Variants in ANKRD13C observed in about 807,000 individuals in gnomAD.
ANKRD13C encodes ankyrin repeat domain 13C.
Under a neutral mutation model 65.5 loss-of-function variants are expected in ANKRD13C, and 16 were observed. That is an observed-to-expected ratio of 0.24 (90% CI 0.17 to 0.37). The LOEUF is 0.37. Ranked by LOEUF, ANKRD13C falls within the 10% of genes least tolerant of loss-of-function variation. The pLI is 1.00. For synonymous variants in ANKRD13C, 235 were observed against 238.7 expected, an observed-to-expected ratio of 0.98 and a Z score of 0.14; for missense variants, 503 against 655.9, an observed-to-expected ratio of 0.77 and a Z score of 2.55.
Position 70,353,980 on chromosome 1 carries a change from G to T in ANKRD13C, c.429C>A (p.His143Gln). 1 of 1,527,976 alleles carries T rather than the reference G, an allele frequency of 6.5e-7. No individual in the cohort carries two copies. The highest frequency in any genetic ancestry group is 8.8e-7 in the Non-Finnish European group (1 of 1,137,046). The allele number at this position is 1,527,976 out of a possible 1,614,324, so 94.7% of individuals were successfully genotyped here. Residue 143 changes from histidine (H) to glutamine (Q), a missense_variant and splice_region_variant, in exon 1 of 13, where the codon CAC becomes CAA. Coordinates refer to ENST00000370944, the MANE Select transcript of ANKRD13C (RefSeq NM_030816.5). ...RTHNIGQKDN[H>Q]GNTPLHLAVM... ...TGGAGAGGGGCTAGCACTCCTCACC[G>T]TGATTATCTTTCTGCCCGATATTGT...
chr1:70,330,118 G>A (rs1002472981), intron 2 of ANKRD13C, among the ~76,000 whole-genome samples: 2 of 150,954 alleles, frequency 1.3e-5, no homozygotes, highest in African/African-American at 4.9e-5. Context: ...CAGATCAATC[G>A]AATGTCTTCT....
In ANKRD13C at chr1:70,314,649, T is replaced by C. The variant is rs185404713; in HGVS notation, c.663+832A>G. On this transcript the variant is annotated intron_variant, in intron 4 of 12. Transcript: ENST00000370944. ...AACATCAACAAGTTAGTCTTTCTTT[T>C]TCAAAAAGTGATAAAAGTGAATGTT... Among the ~76,000 whole-genome samples the C allele has an allele frequency of 2.8e-4, 43 of 152,166 alleles. No homozygotes were observed. The East Asian group carries it at 8.1e-3, about 29-fold the overall frequency.
intron 10 of ANKRD13C, among the ~76,000 whole-genome samples, chr1:70,275,201 T>C (rs1679075878): frequency 1.3e-5 from 2 of 152,192 alleles, no homozygotes; most frequent in Non-Finnish European, 2.9e-5. Flanking sequence ...CATTGATCAA[T>C]AAGAAATATT....
At chr1:70,342,453 G>A (rs1479496115) in intron 1 of ANKRD13C, among the ~76,000 whole-genome samples, 4 of 152,170 alleles carry the variant, frequency 2.6e-5, no homozygotes, top group South Asian at 4.1e-4. Flanking sequence ...CAGGAGAATC[G>A]CTTGAACCCG....
chr1:70,275,982 A>AC (rs1679116948), intron 10 of ANKRD13C, among the ~76,000 whole-genome samples: 1 of 150,256 alleles, frequency 6.7e-6, no homozygotes, highest in African/African-American at 2.4e-5. Context: ...AAAAAAAAAA[A>AC]CTATAAAAAT....
intron 5 of ANKRD13C, among the ~76,000 whole-genome samples, chr1:70,312,761 T>C (rs1572112322): frequency 6.6e-6 from 1 of 152,154 alleles, no homozygotes; most frequent in Non-Finnish European, 1.5e-5. Flanking sequence ...TTTAAATCTT[T>C]AAAAACAACA....
At chr1:70,318,366 C>G (rs1035831890) in intron 3 of ANKRD13C, among the ~76,000 whole-genome samples, 1 of 152,190 alleles carries the variant, frequency 6.6e-6, no homozygotes, top group Non-Finnish European at 1.5e-5. Context: ...ACAGTTTGAC[C>G]TAAAGCTTTT....
At chr1:70,349,601 C>G (rs560284864) in intron 1 of ANKRD13C, among the ~76,000 whole-genome samples, 1 of 151,930 alleles carries the variant, frequency 6.6e-6, no homozygotes, top group Non-Finnish European at 1.5e-5. Flanking sequence ...CAAATGCACA[C>G]ACACACCAAA....
intron 3 of ANKRD13C, among the ~76,000 whole-genome samples, chr1:70,323,517 C>T (rs868669439): frequency 6.6e-6 from 1 of 151,670 alleles, no homozygotes; most frequent in East Asian, 2.0e-4. Flanking sequence ...GTGGCAGGCA[C>T]CTGTGATCCC....
At chr1:70,286,585 G>A (rs72678626) in intron 9 of ANKRD13C, among the ~76,000 whole-genome samples, 6,222 of 152,136 alleles carry the variant, frequency 0.041, 194 homozygotes, top group Non-Finnish European at 0.061. Context: ...GTACAGTGAG[G>A]TAAGAAAAAC....
intron 1 of ANKRD13C, among the ~76,000 whole-genome samples, chr1:70,342,277 TGCATGTAATCCCAGCACTTTAGGAG>T (rs1682341717): frequency 6.6e-6 from 1 of 152,128 alleles, no homozygotes; most frequent in Non-Finnish European, 1.5e-5. Flanking sequence ...CAGTGGCTCA[TGCATGTAATCCCAGCACTTTAGGAG>T]GCAGAAGTGG....
At position 70,354,074 on chromosome 1, in the gene ANKRD13C, G is replaced by A. The variant is rs764062107; in HGVS notation, c.335C>T (p.Ala112Val). The A allele has an allele frequency of 6.2e-7, 1 of 1,610,232 alleles. No homozygotes were observed. Among genetic ancestry groups the A allele is most frequent in the Non-Finnish European group, 8.5e-7 (1 of 1,177,646 alleles). Residue 112 changes from alanine to valine, a missense_variant, in exon 1 of 13, where the codon GCA becomes GTA. Coordinates refer to ENST00000370944, the MANE Select transcript of ANKRD13C (RefSeq NM_030816.5). ...GACGCACTCGTGCACCGGGTAGTGT[G>A]CGGGGCAACTGCCTCCATCCGCGAC... ...AVVADGGSCP[A>V]HYPVHECVFK...
chr1:70,311,755 CT>C (rs1410203049), intron 5 of ANKRD13C, among the ~76,000 whole-genome samples: 3 of 152,092 alleles, frequency 2.0e-5, no homozygotes, highest in Non-Finnish European at 4.4e-5. Flanking sequence ...TCTTAGTAAA[CT>C]GAGGATAATT....
In ANKRD13C at chr1:70,300,619, G is replaced by T. The variant is rs1471348824; in HGVS notation, c.921+145C>A. 7.6e-6 allele frequency: 5 copies of T among 659,362 alleles called. No individual in the cohort carries two copies. In the East Asian group the frequency reaches 1.7e-4, roughly 22 times the overall value. The allele number at this position is 659,362 out of a possible 1,614,324, so 40.8% of individuals were successfully genotyped here. On this transcript the variant is annotated intron_variant, in intron 7 of 12. Coordinates refer to ENST00000370944, the MANE Select transcript of ANKRD13C (RefSeq NM_030816.5). ...AAAGAAAAAGAAAAAAGAAAAGAAA[G>T]CTAGTGGTCAGGAAACTATAGCTTT...
intron 3 of ANKRD13C, among the ~76,000 whole-genome samples, chr1:70,319,376 C>A (rs1035428521): frequency 6.6e-6 from 1 of 151,958 alleles, no homozygotes; most frequent in Non-Finnish European, 1.5e-5. Context: ...GAGGCCGAGC[C>A]GGGTGGATTG....
Position 70,301,699 on chromosome 1 carries a change from A to T in ANKRD13C, c.777-791T>A, listed in dbSNP as rs541030901. The stretch of plus-strand genomic sequence containing the variant: ...TTGTGTGTTTACTGTTCTCTTTGGT[A>T]ACCTGGACCTGTCATGGTCTAGCCT... On this transcript the variant is annotated intron_variant, in intron 6 of 12. Transcript: ENST00000370944. 5.3e-5 allele frequency among the ~76,000 whole-genome samples: 8 copies of T among 152,344 alleles called. No homozygotes were observed. The South Asian group carries it at 1.7e-3, about 32-fold the overall frequency.
At chr1:70,263,452 TTA>T in intron 12 of ANKRD13C, among the ~76,000 whole-genome samples, 1 of 152,170 alleles carries the variant, frequency 6.6e-6, no homozygotes, top group South Asian at 2.1e-4. Context: ...AATGAGCAAG[TTA>T]ATGATTACAT....
chr1:70,336,944 C>G (rs1682067986), intron 1 of ANKRD13C, among the ~76,000 whole-genome samples: 1 of 151,992 alleles, frequency 6.6e-6, no homozygotes, highest in African/African-American at 2.4e-5. Flanking sequence ...AAATGTTAAA[C>G]CAACAGTAAT....
chr1:70,310,703 T>C (rs1290490173), intron 5 of ANKRD13C, among the ~76,000 whole-genome samples: 1 of 152,256 alleles, frequency 6.6e-6, no homozygotes, highest in East Asian at 1.9e-4. Flanking sequence ...ACATTGATTA[T>C]TTTAGAATTC....
Sources: gnomAD v4.1 joint callset for allele counts (sites outside exome capture counted in the v4.1 genomes callset) on GRCh38, gnomAD v4.1.1 for gene constraint, MANE v1.5 for transcripts, NCBI Gene and HGNC (gene_info 2026-07-23, HGNC 2026-07-21) for gene names.